The following DLC1 variants were observed in gnomAD, a reference collection of about 807,000 sequenced individuals.
The protein encoded by DLC1 is DLC1 Rho GTPase activating protein.
DLC1 carries 54 observed loss-of-function variants against 140.3 expected under a neutral mutation model. The observed-to-expected ratio is 0.38, with a 90% CI of 0.31 to 0.48. The LOEUF (loss-of-function observed/expected upper bound fraction) is 0.48, where lower values mean the gene tolerates loss of function less well. DLC1 is among the 20% of genes least tolerant of loss of function. DLC1 has a pLI of 0.96. For missense variants in DLC1, 2,536 were observed against 1,907.0 expected, an observed-to-expected ratio of 1.33 and a Z score of -6.14; for synonymous variants, 986 against 728.1, an observed-to-expected ratio of 1.35 and a Z score of -5.70.
chr8:13,184,667 T>C (rs1405019517), intron 5 of DLC1, among the ~76,000 whole-genome samples: 1 of 152,204 alleles, frequency 6.6e-6, no homozygotes, highest in Non-Finnish European at 1.5e-5. Flanking sequence ...TGAGAGACAG[T>C]TTGTTGTGAT....
In DLC1 at chr8:13,343,715, T is replaced by C. The variant is rs188815556; in HGVS notation, c.1315-38413A>G. 5.4e-3 allele frequency among the ~76,000 whole-genome samples: 816 copies of C among 152,278 alleles called. 15 individuals carry two copies. The highest frequency in any genetic ancestry group is 3.5e-3 in the Non-Finnish European group (237 of 68,016). On this transcript the variant is annotated intron_variant, in intron 4 of 17. Coordinates refer to ENST00000276297, the MANE Select transcript of DLC1 (RefSeq NM_182643.3). Reference sequence around the variant, plus strand: ...TTTTATTCCAAAGCCTGTCCTCTTTTCCTACACTGGATCGCCTCTTGGTTA... The same window carrying C: ...TTTTATTCCAAAGCCTGTCCTCTTTCCCTACACTGGATCGCCTCTTGGTTA...
intron 4 of DLC1, among the ~76,000 whole-genome samples, chr8:13,344,011 A>G (rs1013653581): frequency 6.6e-6 from 1 of 152,118 alleles, no homozygotes; most frequent in African/African-American, 2.4e-5. Flanking sequence ...AAACTGGCAA[A>G]GATTTCTCAG....
chr8:13,198,415 CTT>C (rs936694453), intron 5 of DLC1, among the ~76,000 whole-genome samples: 6 of 152,270 alleles, frequency 3.9e-5, no homozygotes, highest in Admixed American at 6.5e-5. Flanking sequence ...TCGATCTTCT[CTT>C]TGTATCGTAG....
In DLC1 at chr8:13,499,457, T is replaced by C. The variant is rs781420367; in HGVS notation, c.615A>G (p.Ala205=). The C allele has an allele frequency of 6.2e-7, 1 of 1,614,084 alleles. No homozygotes were observed. Among genetic ancestry groups the C allele is most frequent in the East Asian group, 2.2e-5 (1 of 44,878 alleles). The part of the protein sequence containing the change: ...NEISLSEIKD[A]PKVNAVDTLN... Reference sequence around the variant, plus strand: ...AAGTATCCACTGCATTTACTTTGGGTGCATCTTTTATTTCACTTAAGCTTA... The same window carrying C: ...AAGTATCCACTGCATTTACTTTGGGCGCATCTTTTATTTCACTTAAGCTTA... The change falls in exon 2 of 18, where the codon GCA becomes GCG. Residue 205 remains alanine (A), a synonymous_variant. Transcript: ENST00000276297.
At chr8:13,153,496 G>A (rs753587776) in intron 5 of DLC1, among the ~76,000 whole-genome samples, 32 of 152,198 alleles carry the variant, frequency 2.1e-4, no homozygotes, top group Non-Finnish European at 4.6e-4. Flanking sequence ...TGTGGAAAAC[G>A]ACCCAAACAG....
intron 1 of DLC1, among the ~76,000 whole-genome samples, chr8:13,543,469 A>T (rs1803552459): frequency 6.6e-6 from 1 of 152,064 alleles, no homozygotes; most frequent in South Asian, 2.1e-4. Context: ...CAAATTGTAG[A>T]TCTATTTTTA....
At chr8:13,133,357 G>C (rs536700206) in intron 5 of DLC1, 264 of 1,079,720 alleles carry the variant, frequency 2.4e-4, no homozygotes, top group Non-Finnish European at 2.9e-4. Context: ...GGGCCAGAGC[G>C]GGCGGCACCG....
At chr8:13,259,424 C>T (rs575588506) in intron 5 of DLC1, among the ~76,000 whole-genome samples, 1 of 152,260 alleles carries the variant, frequency 6.6e-6, no homozygotes, top group South Asian at 2.1e-4. Flanking sequence ...TGCTAAGGCT[C>T]CCTTAGGGCC....
At chr8:13,460,710 C>G (rs1744572334) in intron 2 of DLC1, among the ~76,000 whole-genome samples, 1 of 152,238 alleles carries the variant, frequency 6.6e-6, no homozygotes, top group South Asian at 2.1e-4. Context: ...TTCCTGATGG[C>G]AGACTCCTGC....
intron 5 of DLC1, among the ~76,000 whole-genome samples, chr8:13,146,895 C>G (rs923392634): frequency 1.3e-5 from 2 of 152,172 alleles, no homozygotes; most frequent in Non-Finnish European, 2.9e-5. Flanking sequence ...GCTTTGACAT[C>G]TGCATGGCAT....
chr8:13,128,041 C>T (rs559533014), intron 5 of DLC1, among the ~76,000 whole-genome samples: 1 of 138,588 alleles, frequency 7.2e-6, no homozygotes, highest in Non-Finnish European at 1.6e-5. Context: ...TCTAGTAGAA[C>T]AAAAAAAAAA....
intron 5 of DLC1, among the ~76,000 whole-genome samples, chr8:13,221,896 A>G (rs992190128): frequency 7.0e-6 from 1 of 143,204 alleles, no homozygotes; most frequent in African/African-American, 2.6e-5. Flanking sequence ...ATATAATTAT[A>G]TATTAAAATA....
At chr8:13,534,731 C>T (rs1310100171) in intron 1 of DLC1, among the ~76,000 whole-genome samples, 1 of 152,190 alleles carries the variant, frequency 6.6e-6, no homozygotes, top group African/African-American at 2.4e-5. Flanking sequence ...AAGCCACTAC[C>T]TTCTGAGTAG....
chr8:13,301,863 T>A (rs1832208541), intron 5 of DLC1, among the ~76,000 whole-genome samples: 1 of 152,166 alleles, frequency 6.6e-6, no homozygotes, highest in Non-Finnish European at 1.5e-5. Flanking sequence ...GCACTCCTTA[T>A]GATGATCTGA....
At chr8:13,312,840 A>G (rs1832735436) in intron 4 of DLC1, among the ~76,000 whole-genome samples, 2 of 152,166 alleles carry the variant, frequency 1.3e-5, no homozygotes, top group Admixed American at 6.5e-5. Context: ...CTGATCTATG[A>G]AAGTTCACAA....
At chr8:13,439,715 G>T (rs777676980) in intron 2 of DLC1, among the ~76,000 whole-genome samples, 10 of 151,988 alleles carry the variant, frequency 6.6e-5, no homozygotes, top group Non-Finnish European at 1.3e-4. Context: ...CTAGTTGGTC[G>T]AGACTTCCAC....
intron 1 of DLC1, among the ~76,000 whole-genome samples, chr8:13,598,737 A>G (rs904525211): frequency 2.5e-4 from 38 of 151,984 alleles, no homozygotes; most frequent in Admixed American, 2.5e-3. Flanking sequence ...TAATTAATCA[A>G]TTTATGCATT....
rs1817383755 is a variant in DLC1 at position 13,084,362 on chromosome 8, A to G, written c.*1449T>C. ...TAACACTGAAAATGGTAACTAAATT[A>G]TAACAAAATAAAAATCCTTCTTACA... On this transcript the variant is annotated 3_prime_UTR_variant, in exon 18 of 18. Coordinates refer to ENST00000276297, the MANE Select transcript of DLC1 (RefSeq NM_182643.3). The G allele has an allele frequency of 6.6e-6, 1 of 152,660 alleles. No individual in the cohort carries two copies. Among genetic ancestry groups the G allele is most frequent in the Non-Finnish European group, 1.5e-5 (1 of 68,046 alleles). 9.5% of individuals were successfully genotyped at this position (152,660 alleles called of 1,614,324 possible).
At chr8:13,533,089 C>T (rs763781500) in intron 1 of DLC1, among the ~76,000 whole-genome samples, 1 of 151,982 alleles carries the variant, frequency 6.6e-6, no homozygotes, top group Non-Finnish European at 1.5e-5. Context: ...ATTAGTAATG[C>T]TTACATTAAA....
Sources: allele counts gnomAD v4.1 joint callset (sites outside exome capture counted in the v4.1 genomes callset), GRCh38; gene constraint gnomAD v4.1.1; transcripts MANE v1.5; gene names NCBI Gene and HGNC (gene_info 2026-07-23, HGNC 2026-07-21).